The following LARP4 variants were observed in gnomAD, a reference collection of about 807,000 sequenced individuals.
LARP4 encodes La ribonucleoprotein 4, also known as la-related protein 4.
LARP4 carries 29 observed loss-of-function variants against 92.9 expected under a neutral mutation model. That is an observed-to-expected ratio of 0.31 (90% CI 0.23 to 0.43). LARP4 has a LOEUF of 0.43. Ranked by LOEUF, LARP4 falls within the 20% of genes least tolerant of loss-of-function variation. LARP4 has a pLI of 1.00. For synonymous variants in LARP4, 279 were observed against 284.1 expected, an observed-to-expected ratio of 0.98 and a Z score of 0.18; for missense variants, 732 against 860.0, an observed-to-expected ratio of 0.85 and a Z score of 1.86.
In LARP4 at chr12:50,400,947, G is replaced by A; in HGVS notation, c.-64G>A. 6.2e-7 allele frequency: 1 copy of A among 1,611,584 alleles called. No homozygotes were observed. Among genetic ancestry groups the A allele is most frequent in the Non-Finnish European group, 8.5e-7 (1 of 1,177,666 alleles). ...GTGTGTCCTTATCCTAGCAATTGGGGCGCGGGCCTGTGAGCCAGTTGGAGT... is the reference window on the plus strand; with the variant it reads ...GTGTGTCCTTATCCTAGCAATTGGGACGCGGGCCTGTGAGCCAGTTGGAGT... On this transcript the variant is annotated 5_prime_UTR_variant, in exon 1 of 16. Coordinates refer to ENST00000398473, the MANE Select transcript of LARP4 (RefSeq NM_052879.5).
chr12:50,406,108 A>G (rs1346397891), intron 1 of LARP4, among the ~76,000 whole-genome samples: 2 of 152,134 alleles, frequency 1.3e-5, no homozygotes, highest in Non-Finnish European at 2.9e-5. Flanking sequence ...GGCCAACTGT[A>G]CTTACTTACT....
chr12:50,446,574 G>A (rs925884172), intron 8 of LARP4, among the ~76,000 whole-genome samples: 5 of 148,850 alleles, frequency 3.4e-5, no homozygotes, highest in Middle Eastern at 3.5e-3. Context: ...TACTACAGAC[G>A]CATGCCACCA....
Position 50,427,912 on chromosome 12 carries a change from A to G in LARP4, c.166+3A>G, listed in dbSNP as rs1247240418. 6.3e-7 allele frequency: 1 copy of G among 1,581,378 alleles called. No individual in the cohort carries two copies. The highest frequency in any genetic ancestry group is 8.6e-7 in the Non-Finnish European group (1 of 1,159,128). On this transcript the variant is annotated splice_donor_region_variant and intron_variant, in intron 2 of 15. Coordinates refer to ENST00000398473, the MANE Select transcript of LARP4 (RefSeq NM_052879.5). ...TACATCAGGTGCTCATCCTGAGGGTAAGTCTTAAATATTTGGTCATAAAAA... is the reference window on the plus strand; with the variant it reads ...TACATCAGGTGCTCATCCTGAGGGTGAGTCTTAAATATTTGGTCATAAAAA...
chr12:50,463,844 G>A (rs778427793), intron 12 of LARP4, among the ~76,000 whole-genome samples: 2 of 152,118 alleles, frequency 1.3e-5, no homozygotes, highest in East Asian at 1.9e-4. Flanking sequence ...CTCCAGCCCC[G>A]TATTTCCCCT....
rs1240002563 is a variant in LARP4 at position 50,461,302 on chromosome 12, C to A, written c.1289C>A (p.Thr430Asn). 1 of 1,614,062 alleles carries A rather than the reference C, an allele frequency of 6.2e-7. No individual in the cohort carries two copies. The highest frequency in any genetic ancestry group is 1.7e-5 in the Admixed American group (1 of 60,000). ...HQEQTYLQKE[T>N]STLQVEQNGD... ...GAGCAAACTTACCTTCAGAAGGAGA[C>A]TTCCACTTTGCAGGTGGAACAGAAT... The change falls in exon 11 of 16, where the codon ACT becomes AAT. Residue 430 changes from threonine (T) to asparagine (N), a missense_variant. Coordinates refer to ENST00000398473, the MANE Select transcript of LARP4 (RefSeq NM_052879.5).
chr12:50,418,573 A>G (rs1287745100), intron 1 of LARP4, among the ~76,000 whole-genome samples: 4 of 152,046 alleles, frequency 2.6e-5, no homozygotes, highest in African/African-American at 9.7e-5. Context: ...GCATGTGCCA[A>G]CACGCCTCGC....
intron 1 of LARP4, chr12:50,415,855 ATTC>A (rs1049128324): frequency 6.6e-6 from 1 of 151,244 alleles, no homozygotes; most frequent in African/African-American, 2.4e-5. Context: ...TGCCCAGCTA[ATTC>A]TTGTTTTTTT....
At chr12:50,436,212 G>A (rs1950443152) in intron 5 of LARP4, among the ~76,000 whole-genome samples, 1 of 150,062 alleles carries the variant, frequency 6.7e-6, no homozygotes. Flanking sequence ...ACTGACTGGT[G>A]TGTGGGGGTG....
intron 1 of LARP4, among the ~76,000 whole-genome samples, chr12:50,418,700 C>T (rs866217064): frequency 2.0e-5 from 3 of 152,114 alleles, no homozygotes; most frequent in Non-Finnish European, 4.4e-5. Context: ...GGATTAAAGG[C>T]ATGAGTCACC....
intron 1 of LARP4, among the ~76,000 whole-genome samples, chr12:50,411,082 C>T (rs534366384): frequency 7.2e-5 from 11 of 152,138 alleles, no homozygotes; most frequent in African/African-American, 2.2e-4. Context: ...AAGTGTTATC[C>T]GTAGATAGTA....
chr12:50,460,710 G>A (rs780649442), intron 10 of LARP4, among the ~76,000 whole-genome samples: 5 of 152,092 alleles, frequency 3.3e-5, no homozygotes, highest in Non-Finnish European at 5.9e-5. Flanking sequence ...GGAGGCCAAG[G>A]CAGGCATATC....
intron 1 of LARP4, among the ~76,000 whole-genome samples, chr12:50,409,950 G>A (rs1224791765): frequency 2.0e-5 from 3 of 151,752 alleles, no homozygotes; most frequent in Non-Finnish European, 4.4e-5. Context: ...GTACCACCAT[G>A]CGTGGCTAAT....
intron 13 of LARP4, among the ~76,000 whole-genome samples, chr12:50,472,516 G>A (rs1957041505): frequency 6.6e-6 from 1 of 151,286 alleles, no homozygotes; most frequent in Non-Finnish European, 1.5e-5. Flanking sequence ...TTTTAATGTA[G>A]CCTACAAACT....
chr12:50,468,401 C>G (rs1956458787), intron 13 of LARP4, among the ~76,000 whole-genome samples: 2 of 152,102 alleles, frequency 1.3e-5, no homozygotes, highest in South Asian at 2.1e-4. Context: ...TCACGCCATT[C>G]TCTTGCCTCA....
chr12:50,462,830 T>G (rs10783362), intron 12 of LARP4, among the ~76,000 whole-genome samples, 200 bp downstream of exon 12: 107,992 of 152,044 alleles, frequency 0.71, 44,335 homozygotes, highest in Non-Finnish European at 0.93. Context: ...AGTAAGGAGC[T>G]TCGCTTGTGT....
rs374252294 is a variant in LARP4, at chr12:50,477,296, G to A, written c.*1432G>A. The A allele has an allele frequency of 6.6e-5, 10 of 152,536 alleles. 1 individual carries two copies. In the South Asian group the frequency reaches 1.0e-3, roughly 16 times the overall value. The allele number at this position is 152,536 out of a possible 1,614,324, so 9.4% of individuals were successfully genotyped here. A position where few individuals can be genotyped will look rare whatever the true frequency, so the allele number is the denominator to read the frequency against. ...GAAAATGACTAAAATATTAAAAACC[G>A]TGTTGTGTTAATCTGTTTTAAGTCA... On this transcript the variant is annotated 3_prime_UTR_variant, in exon 16 of 16. Transcript: ENST00000398473.
chr12:50,452,885 T>TA (rs1417169787), intron 8 of LARP4, among the ~76,000 whole-genome samples: 1 of 152,006 alleles, frequency 6.6e-6, no homozygotes, highest in African/African-American at 2.4e-5. Flanking sequence ...TGTTTTGACT[T>TA]AGTTTTTTGG....
At chr12:50,434,718 T>G (rs1211952151) in intron 4 of LARP4, among the ~76,000 whole-genome samples, 1 of 151,998 alleles carries the variant, frequency 6.6e-6, no homozygotes. Flanking sequence ...ATGTGTGTAT[T>G]TATATAAGCA....
chr12:50,453,153 G>A (rs756780191), intron 8 of LARP4, among the ~76,000 whole-genome samples: 6 of 150,344 alleles, frequency 4.0e-5, no homozygotes, highest in Non-Finnish European at 8.9e-5. Context: ...GGGCTCATGC[G>A]ATCCTACCCC....
Sources: allele counts gnomAD v4.1 joint callset (sites outside exome capture counted in the v4.1 genomes callset), GRCh38; gene constraint gnomAD v4.1.1; transcripts MANE v1.5; gene names NCBI Gene and HGNC (gene_info 2026-07-23, HGNC 2026-07-21).